Variants in ZMIZ1 observed in about 807,000 individuals in gnomAD.
The protein encoded by ZMIZ1 is zinc finger MIZ-type containing 1.
ZMIZ1 carries 17 observed loss-of-function variants against 113.9 expected under a neutral mutation model. The observed-to-expected ratio is 0.15, with a 90% CI of 0.10 to 0.22. The LOEUF is 0.22. Among genes scored for constraint, ZMIZ1 ranks in the 10% least tolerant of loss-of-function variants. The probability of loss-of-function intolerance (pLI) is 1.00; values close to 1 mark genes in which losing one functional copy is unlikely to be tolerated. For missense variants in ZMIZ1, 1,059 were observed against 1,477.8 expected (o/e 0.72, Z 4.65); for synonymous variants, 607 against 603.1 (o/e 1.01, Z -0.09).
intron 7 of ZMIZ1, among the ~76,000 whole-genome samples, chr10:79,249,055 C>T (rs1454797974): frequency 1.3e-5 from 2 of 152,190 alleles, no homozygotes; most frequent in Non-Finnish European, 2.9e-5. Flanking sequence ...CTGGTTCAAC[C>T]CCTGTGTGTG....
chr10:79,290,601 G>T (rs1205407642), intron 9 of ZMIZ1: 2 of 424,604 alleles, frequency 4.7e-6, no homozygotes, highest in Non-Finnish European at 9.2e-6. Flanking sequence ...TTGTGGGGCA[G>T]TAGGCTTCAT....
intron 4 of ZMIZ1, among the ~76,000 whole-genome samples, chr10:79,179,792 C>T (rs761380717): frequency 2.6e-5 from 4 of 152,274 alleles, no homozygotes; most frequent in African/African-American, 9.6e-5. Flanking sequence ...GCCATGGCAA[C>T]AGCCATCTCA....
intron 3 of ZMIZ1, among the ~76,000 whole-genome samples, chr10:79,159,500 C>T (rs888778299): frequency 6.6e-6 from 1 of 152,220 alleles, no homozygotes; most frequent in African/African-American, 2.4e-5. Context: ...AGCGGGCAGA[C>T]TGTGAGTGGG....
At chr10:79,145,316 G>C (rs1045930562) in intron 3 of ZMIZ1, among the ~76,000 whole-genome samples, 4 of 152,078 alleles carry the variant, frequency 2.6e-5, no homozygotes, top group African/African-American at 9.7e-5. Flanking sequence ...CTCCACAGTA[G>C]AGCCTTTCCC....
chr10:79,166,041 C>T lies in ZMIZ1; in HGVS notation c.-50+3908C>T, dbSNP rs574445920. Among the ~76,000 whole-genome samples the T allele has an allele frequency of 7.5e-5, 5 of 67,042 alleles. No individual in the cohort carries two copies. The East Asian group carries it at 1.3e-3, about 17-fold the overall frequency. 44.0% of individuals were successfully genotyped at this position (67,042 alleles called of 152,430 possible). ...GGGTGGGGCAGTGGGTCCATCTCTGCGTGTCTCTGTCCCATCTCCCCGTGG... is the reference window on the plus strand; with the variant it reads ...GGGTGGGGCAGTGGGTCCATCTCTGTGTGTCTCTGTCCCATCTCCCCGTGG... On this transcript the variant is annotated intron_variant, in intron 4 of 24. Coordinates refer to ENST00000334512, the MANE Select transcript of ZMIZ1 (RefSeq NM_020338.4).
chr10:79,206,761 ATAAGCCTCATCTTGTT>A (rs1347047951), intron 5 of ZMIZ1, among the ~76,000 whole-genome samples: 1 of 152,228 alleles, frequency 6.6e-6, no homozygotes, highest in South Asian at 2.1e-4. Flanking sequence ...CAGGGGCTGT[ATAAGCCTCATCTTGTT>A]TAAGCCTCAC....
chr10:79,123,655 C>G (rs972254664), intron 2 of ZMIZ1, among the ~76,000 whole-genome samples: 1 of 152,218 alleles, frequency 6.6e-6, no homozygotes. Context: ...TCCCAAACAG[C>G]TGTTGCTCAG....
intron 12 of ZMIZ1, 62 bp downstream of exon 12, chr10:79,293,715 G>C (rs1853673500): frequency 6.2e-7 from 1 of 1,611,474 alleles, no homozygotes; most frequent in African/African-American, 1.3e-5. Context: ...GAAGACATGG[G>C]CCGTGGGTAC....
intron 5 of ZMIZ1, among the ~76,000 whole-genome samples, chr10:79,205,737 T>C (rs1848291811): frequency 1.3e-5 from 2 of 152,092 alleles, no homozygotes; most frequent in East Asian, 1.9e-4. Context: ...TCACTTTGTC[T>C]CTCTGTGCAC....
chr10:79,199,306 G>C (rs1024659641), intron 4 of ZMIZ1, among the ~76,000 whole-genome samples: 11 of 152,116 alleles, frequency 7.2e-5, no homozygotes, highest in African/African-American at 2.2e-4. Flanking sequence ...AGGAGATTGA[G>C]ACCATCCTGG....
At chr10:79,092,971 A>G (rs544175102) in intron 1 of ZMIZ1, among the ~76,000 whole-genome samples, 2 of 152,104 alleles carry the variant, frequency 1.3e-5, no homozygotes, top group Admixed American at 6.5e-5. Context: ...ATACAATGCA[A>G]GCAGTTGAGG....
In ZMIZ1 at chr10:79,314,198, G is replaced by T. The variant is rs1442524425; in HGVS notation, c.*1449G>T. 1 of 456,986 alleles carries T rather than the reference G, an allele frequency of 2.2e-6. No homozygotes were observed. The highest frequency in any genetic ancestry group is 2.0e-5 in the African/African-American group (1 of 50,082). 28.3% of individuals were successfully genotyped at this position (456,986 alleles called of 1,614,324 possible). Reference sequence around the variant, plus strand: ...CTCTCCAGGGCCTCCTGGGGAGCCTGTCCTGTGTTCACTTTGTTTCAGGCT... The same window carrying T: ...CTCTCCAGGGCCTCCTGGGGAGCCTTTCCTGTGTTCACTTTGTTTCAGGCT... On this transcript the variant is annotated 3_prime_UTR_variant, in exon 25 of 25. Coordinates refer to ENST00000334512, the MANE Select transcript of ZMIZ1 (RefSeq NM_020338.4).
rs554548334 is a variant in ZMIZ1, at chr10:79,093,695, C to T, written c.-337+24425C>T. The stretch of plus-strand genomic sequence containing the variant: ...TGATTAGGGCCACAGAGCCAGAAGG[C>T]GTTTTAGGCAGGATTTGAATGCAGG... On this transcript the variant is annotated intron_variant, in intron 1 of 24. Transcript: ENST00000334512. Among the ~76,000 whole-genome samples the T allele has an allele frequency of 1.2e-3, 188 of 152,230 alleles. 1 individual carries two copies. Among genetic ancestry groups the T allele is most frequent in the Admixed American group, 2.1e-3 (32 of 15,290 alleles).
intron 8 of ZMIZ1, among the ~76,000 whole-genome samples, chr10:79,283,252 G>A (rs1388705819): frequency 6.6e-6 from 1 of 152,194 alleles, no homozygotes; most frequent in Non-Finnish European, 1.5e-5. Flanking sequence ...CCTGAGTATA[G>A]CAGGTCGGGG....
At chr10:79,088,352 G>A (rs572597994) in intron 1 of ZMIZ1, among the ~76,000 whole-genome samples, 4 of 152,222 alleles carry the variant, frequency 2.6e-5, no homozygotes, top group Non-Finnish European at 4.4e-5. Flanking sequence ...AGGGCCAGGG[G>A]CTGGGGCCTC....
At chr10:79,159,042 A>G (rs1396918452) in intron 3 of ZMIZ1, among the ~76,000 whole-genome samples, 1 of 152,184 alleles carries the variant, frequency 6.6e-6, no homozygotes, top group Non-Finnish European at 1.5e-5. Context: ...CCCAGAAGTG[A>G]GAGTGCTGTG....
At chr10:79,242,181 T>A (rs1352300267) in intron 7 of ZMIZ1, among the ~76,000 whole-genome samples, 3 of 150,916 alleles carry the variant, frequency 2.0e-5, no homozygotes, top group Admixed American at 6.6e-5. Flanking sequence ...AGGTGGGGGG[T>A]GAGCAAGCGC....
intron 9 of ZMIZ1, 116 bp from the exon 10 acceptor site, chr10:79,290,843 C>G: frequency 8.2e-7 from 1 of 1,214,208 alleles, no homozygotes; most frequent in Non-Finnish European, 1.2e-6. Flanking sequence ...TTTTCCTCCT[C>G]CCTGTTGTCC....
At chr10:79,163,039 T>C (rs1846179410) in intron 4 of ZMIZ1, among the ~76,000 whole-genome samples, 1 of 149,592 alleles carries the variant, frequency 6.7e-6, no homozygotes, top group South Asian at 2.1e-4. Context: ...GAGGGTGACC[T>C]GTGTAATCCC....
Sources: gnomAD v4.1 joint callset for allele counts (sites outside exome capture counted in the v4.1 genomes callset) on GRCh38, gnomAD v4.1.1 for gene constraint, MANE v1.5 for transcripts, NCBI Gene and HGNC (gene_info 2026-07-23, HGNC 2026-07-21) for gene names.